RAPGEF6: variants seen among roughly 807,000 people sequenced by gnomAD.
RAPGEF6 encodes Rap guanine nucleotide exchange factor 6, also known as PDZ domain containing guanine nucleotide exchange factor (GEF) 2.
Under a neutral mutation model 171.4 loss-of-function variants are expected in RAPGEF6, and 56 were observed. The observed-to-expected ratio is 0.33, with a 90% CI of 0.26 to 0.41. RAPGEF6 has a LOEUF of 0.41. RAPGEF6 is among the 10% of genes least tolerant of loss of function. RAPGEF6 has a pLI of 1.00. For synonymous variants in RAPGEF6, 692 were observed against 650.1 expected, an observed-to-expected ratio of 1.06 and a Z score of -0.98; for missense variants, 1,674 against 1,921.4, an observed-to-expected ratio of 0.87 and a Z score of 2.41.
chr5:131,477,342 C>G (rs1755168273), intron 16 of RAPGEF6, among the ~76,000 whole-genome samples: 2 of 152,192 alleles, frequency 1.3e-5, no homozygotes, highest in Non-Finnish European at 2.9e-5. Context: ...AAGGGACAGA[C>G]AGGTTAATAT....
chr5:131,529,195 G>A (rs2149921997), intron 6 of RAPGEF6, among the ~76,000 whole-genome samples: 1 of 152,146 alleles, frequency 6.6e-6, no homozygotes, highest in African/African-American at 2.4e-5. Flanking sequence ...ACAACAACAG[G>A]CAGGGCACTG....
intron 6 of RAPGEF6, among the ~76,000 whole-genome samples, chr5:131,545,119 A>G (rs1196707868): frequency 1.3e-5 from 2 of 152,238 alleles, no homozygotes; most frequent in African/African-American, 2.4e-5. Flanking sequence ...TTACCATTAC[A>G]GAAGTGCTTA....
intron 22 of RAPGEF6, among the ~76,000 whole-genome samples, chr5:131,444,480 G>A (rs978247914): frequency 5.3e-5 from 8 of 152,066 alleles, no homozygotes; most frequent in Non-Finnish European, 8.8e-5. Context: ...TAATTAATTG[G>A]GAAGAATCAA....
intron 17 of RAPGEF6, chr5:131,469,832 T>A: frequency 6.6e-7 from 1 of 1,519,764 alleles, no homozygotes. Context: ...GCAGCAAAAA[T>A]AAAGCAAAAT....
At chr5:131,502,208 C>A (rs1757068565) in intron 11 of RAPGEF6, among the ~76,000 whole-genome samples, 1 of 152,144 alleles carries the variant, frequency 6.6e-6, no homozygotes, top group Non-Finnish European at 1.5e-5. Flanking sequence ...ACAGTTCATT[C>A]CTTCAATACA....
chr5:131,561,681 A>G (rs979629200), intron 5 of RAPGEF6, among the ~76,000 whole-genome samples: 3 of 151,796 alleles, frequency 2.0e-5, no homozygotes, highest in Non-Finnish European at 4.4e-5. Flanking sequence ...AAAAAAAAAA[A>G]AATCACTTGA....
intron 21 of RAPGEF6, among the ~76,000 whole-genome samples, chr5:131,451,769 G>T (rs1405590246): frequency 6.6e-6 from 1 of 152,044 alleles, no homozygotes; most frequent in Non-Finnish European, 1.5e-5. Flanking sequence ...AAGTATTTTT[G>T]TTTCCTTAGC....
intron 20 of RAPGEF6, among the ~76,000 whole-genome samples, chr5:131,454,723 T>G (rs1246365310): frequency 1.3e-5 from 2 of 152,042 alleles, no homozygotes; most frequent in African/African-American, 4.8e-5. Flanking sequence ...AAACCATAGG[T>G]TTCAAGGTGT....
At chr5:131,486,065 C>G (rs1382880966) in intron 15 of RAPGEF6, among the ~76,000 whole-genome samples, 1 of 152,192 alleles carries the variant, frequency 6.6e-6, no homozygotes, top group East Asian at 1.9e-4. Context: ...GTAAGTTTTT[C>G]TTGGTCACCT....
chr5:131,495,717 G>C, intron 12 of RAPGEF6, 57 bp from the exon 13 acceptor site: 1 of 1,557,768 alleles, frequency 6.4e-7, no homozygotes, highest in Non-Finnish European at 8.7e-7. Flanking sequence ...TTCTGCACAA[G>C]TGGATTCCAA....
chr5:131,601,293 G>A (rs533249641), intron 3 of RAPGEF6, among the ~76,000 whole-genome samples: 123 of 151,498 alleles, frequency 8.1e-4, no homozygotes, highest in Non-Finnish European at 1.5e-3. Flanking sequence ...GCTGAAGCAG[G>A]AGAATCCCTT....
At chr5:131,481,368 C>T (rs2149858714) in intron 15 of RAPGEF6, among the ~76,000 whole-genome samples, 2 of 152,052 alleles carry the variant, frequency 1.3e-5, no homozygotes, top group Middle Eastern at 3.4e-3. Flanking sequence ...GTTGGGATTA[C>T]AGGAGTGTGC....
At chr5:131,621,332 C>G (rs1765580245) in intron 1 of RAPGEF6, among the ~76,000 whole-genome samples, 1 of 152,158 alleles carries the variant, frequency 6.6e-6, no homozygotes, top group Non-Finnish European at 1.5e-5. Context: ...CTGTGTTGCC[C>G]AGGCTGAAGT....
chr5:131,632,893 G>C (rs897227082), intron 1 of RAPGEF6, among the ~76,000 whole-genome samples: 4 of 152,160 alleles, frequency 2.6e-5, no homozygotes, highest in African/African-American at 9.7e-5. Flanking sequence ...CTAGATGTCA[G>C]GGCTACATTC....
intron 15 of RAPGEF6, among the ~76,000 whole-genome samples, chr5:131,483,865 C>A (rs1200874529): frequency 2.6e-5 from 4 of 151,966 alleles, no homozygotes; most frequent in Non-Finnish European, 5.9e-5. Flanking sequence ...CTCTGGGAGG[C>A]CGAGGCAGGT....
intron 12 of RAPGEF6, among the ~76,000 whole-genome samples, chr5:131,496,121 C>A (rs1756621349): frequency 6.6e-6 from 1 of 152,074 alleles, no homozygotes; most frequent in South Asian, 2.1e-4. Context: ...CAAGGAGGAT[C>A]CCTTGAGTCC....
chr5:131,452,906 T>C, intron 21 of RAPGEF6, 148 bp downstream of exon 21: 1 of 998,002 alleles, frequency 1.0e-6, no homozygotes, highest in Non-Finnish European at 1.4e-6. Flanking sequence ...TGGTTATTAA[T>C]GATAAATGAT....
chr5:131,492,019 T>G lies in RAPGEF6; in HGVS notation c.1731+563A>C, dbSNP rs975175311. ...GCAGATCACATTTGGAATAGGCTGCTCTATACTTACCTAATGCCTATACCA... is the reference window on the plus strand; with the variant it reads ...GCAGATCACATTTGGAATAGGCTGCGCTATACTTACCTAATGCCTATACCA... On this transcript the variant is annotated intron_variant, in intron 14 of 27. Coordinates refer to ENST00000509018, the MANE Select transcript of RAPGEF6 (RefSeq NM_016340.6). Among the ~76,000 whole-genome samples, 29 of 152,254 alleles carry G rather than the reference T, an allele frequency of 1.9e-4. 1 individual carries two copies. The highest frequency in any genetic ancestry group is 1.6e-3 in the Admixed American group (25 of 15,286).
At chr5:131,472,074 CT>C (rs34112867) in intron 17 of RAPGEF6, 276 of 141,348 alleles carry the variant, frequency 2.0e-3, no homozygotes, top group Admixed American at 3.9e-3. Flanking sequence ...TTTTTCTTTT[CT>C]TTTTTTTTTT....
Sources: gnomAD v4.1 joint callset for allele counts (sites outside exome capture counted in the v4.1 genomes callset) on GRCh38, gnomAD v4.1.1 for gene constraint, MANE v1.5 for transcripts, NCBI Gene and HGNC (gene_info 2026-07-23, HGNC 2026-07-21) for gene names.